The following AARS1 variants were observed in gnomAD, a reference collection of about 807,000 sequenced individuals.
The protein encoded by AARS1 is alanyl-tRNA synthetase 1, also known as alanine--tRNA ligase, cytoplasmic.
In AARS1, 72 loss-of-function variants were observed where a neutral mutation model predicts 108.9. That is an observed-to-expected ratio of 0.66 (90% CI 0.55 to 0.80). The LOEUF (loss-of-function observed/expected upper bound fraction) is 0.80. Among genes scored for constraint, AARS1 ranks in the 30% least tolerant of loss-of-function variants. The probability of loss-of-function intolerance (pLI) is 0.00; values close to 1 mark genes in which losing one functional copy is unlikely to be tolerated. For synonymous variants in AARS1, 489 were observed against 465.7 expected, an observed-to-expected ratio of 1.05 and a Z score of -0.64; for missense variants, 1,193 against 1,233.2, an observed-to-expected ratio of 0.97 and a Z score of 0.49.
chr16:70,253,614 G>A (rs1959902856), intron 19 of AARS1, 100 bp downstream of exon 19: 12 of 1,366,202 alleles, frequency 8.8e-6, no homozygotes, highest in South Asian at 3.5e-5. Flanking sequence ...CCAGACCGTG[G>A]GCCCTTAGGC....
chr16:70,286,316 T>C (rs1473527343), intron 1 of AARS1, among the ~76,000 whole-genome samples: 1 of 151,906 alleles, frequency 6.6e-6, no homozygotes, highest in Non-Finnish European at 1.5e-5. Context: ...GCTGTAAAGG[T>C]CTTGGGTGCC....
intron 2 of AARS1, among the ~76,000 whole-genome samples, chr16:70,281,734 C>G (rs1960700368): frequency 6.6e-6 from 1 of 152,070 alleles, no homozygotes; most frequent in Admixed American, 6.6e-5. Context: ...TGCCTGTAGT[C>G]CTAGCTACTT....
In AARS1 at chr16:70,268,884, A is replaced by G. The variant is rs118124510; in HGVS notation, c.963-505T>C. On this transcript the variant is annotated intron_variant, in intron 7 of 20. Transcript: ENST00000261772. ...GGGGATTCTTCCACCTGCCCAAGACAAGGAAACAATAACGAAAGATGGCTT... is the reference window on the plus strand; with the variant it reads ...GGGGATTCTTCCACCTGCCCAAGACGAGGAAACAATAACGAAAGATGGCTT... Among the ~76,000 whole-genome samples the G allele has an allele frequency of 4.9e-4, 74 of 152,338 alleles. 1 individual carries two copies. The East Asian group carries it at 0.014, about 28-fold the overall frequency.
At chr16:70,254,112 G>T in intron 17 of AARS1, 74 bp from the exon 18 acceptor site, 1 of 1,580,788 alleles carries the variant, frequency 6.3e-7, no homozygotes, top group South Asian at 1.1e-5. Context: ...CACCCCACCC[G>T]AACCCAAGTC....
At chr16:70,254,315 A>G (rs1036198794) in intron 17 of AARS1, 13 of 588,980 alleles carry the variant, frequency 2.2e-5, no homozygotes, top group Non-Finnish European at 3.9e-5. Flanking sequence ...TGAAATGCAA[A>G]TAAATACCAG....
chr16:70,253,521 AC>A (rs1959899560), intron 19 of AARS1, 140 bp from the exon 20 acceptor site: 2 of 1,018,566 alleles, frequency 2.0e-6, no homozygotes, highest in Non-Finnish European at 1.5e-6. Context: ...TGTGGGGAGG[AC>A]CCCAGCGCCG....
chr16:70,280,285 C>T (rs1479688811), intron 2 of AARS1, among the ~76,000 whole-genome samples: 2 of 151,942 alleles, frequency 1.3e-5, no homozygotes, highest in Admixed American at 6.6e-5. Flanking sequence ...GGCGTGATCT[C>T]GGCTCACTGC....
At position 70,269,683 on chromosome 16, in the gene AARS1, A is replaced by G; in HGVS notation, c.897T>C (p.Ala299=). The change falls in exon 7 of 21, where the codon GCT becomes GCC. Residue 299 remains alanine (A), a synonymous_variant. Coordinates refer to ENST00000261772, the MANE Select transcript of AARS1 (RefSeq NM_001605.3). ...DGIDMAYRVL[A]DHARTITVAL... is the part of the protein sequence containing the mutation. ...CCACAGTGATGGTCCGAGCGTGGTC[A>G]GCCAGCACCCGGTAGGCCATGTCAA... The G allele has an allele frequency of 8.1e-6, 13 of 1,614,204 alleles. No individual in the cohort carries two copies. The highest frequency in any genetic ancestry group is 9.3e-6 in the Non-Finnish European group (11 of 1,180,034).
chr16:70,276,434 C>A, intron 4 of AARS1, 52 bp downstream of exon 4: 4 of 1,604,530 alleles, frequency 2.5e-6, no homozygotes, highest in Admixed American at 1.7e-5. Flanking sequence ...CACTCTGGCA[C>A]TGAGTGTCAT....
At position 70,254,732 on chromosome 16, in the gene AARS1, G is replaced by C; in HGVS notation, c.2289C>G (p.Ala763=). 6.2e-7 allele frequency: 1 copy of C among 1,606,092 alleles called. No individual in the cohort carries two copies. The change falls in exon 17 of 21, where the codon GCC becomes GCG. Residue 763 remains alanine, a splice_region_variant and synonymous_variant. Transcript: ENST00000261772. ...TCTTCAAGCTCTCTGCTTTCCTGAG[G>C]GCCTGGGAGGGGACACCGGGTCAAC... ...VAVTGAEAQK[A]LRKAESLKKC...
chr16:70,280,642 C>A (rs1452370192), intron 2 of AARS1, among the ~76,000 whole-genome samples: 1 of 152,082 alleles, frequency 6.6e-6, no homozygotes, highest in Non-Finnish European at 1.5e-5. Flanking sequence ...AGAGAACCAT[C>A]ACAGGAAAGC....
chr16:70,280,550 C>T (rs1960671464), intron 2 of AARS1, among the ~76,000 whole-genome samples: 1 of 152,078 alleles, frequency 6.6e-6, no homozygotes, highest in East Asian at 1.9e-4. Flanking sequence ...GAAAAGACAC[C>T]TAAGAGAAAA....
chr16:70,270,408 G>C, intron 5 of AARS1, 68 bp from the exon 6 acceptor site: 1 of 1,591,688 alleles, frequency 6.3e-7, no homozygotes, highest in Non-Finnish European at 8.6e-7. Flanking sequence ...GTCCCTGCTG[G>C]TTAAAATTCA....
intron 1 of AARS1, among the ~76,000 whole-genome samples, chr16:70,286,226 ATTGATT>A (rs1316170101): frequency 4.1e-4 from 62 of 152,152 alleles, no homozygotes; most frequent in Non-Finnish European, 1.5e-5. Flanking sequence ...ACATAAACTC[ATTGATT>A]TATTCACTGG....
chr16:70,256,964 A>C (rs1391122658), intron 15 of AARS1, among the ~76,000 whole-genome samples: 3 of 151,124 alleles, frequency 2.0e-5, no homozygotes, highest in Non-Finnish European at 4.4e-5. Context: ...AAAATACAAA[A>C]TTAGGCCAGG....
chr16:70,254,361 C>A, intron 17 of AARS1: 1 of 583,066 alleles, frequency 1.7e-6, no homozygotes. Flanking sequence ...TTAGCCCATT[C>A]CCCAAATCCC....
In AARS1 at chr16:70,282,691, A is replaced by G; in HGVS notation, c.73T>C (p.Tyr25His). Residue 25 changes from tyrosine (Y) to histidine (H), a missense_variant, in exon 2 of 21, where the codon TAT becomes CAT. Physicochemically the swap from Tyr to His is moderately conservative, Grantham distance 83. Coordinates refer to ENST00000261772, the MANE Select transcript of AARS1 (RefSeq NM_001605.3). Reference protein sequence around the residue: ...IDFFKRNEHTYVHSSATIPLD... With the variant: ...IDFFKRNEHTHVHSSATIPLD... ...GGGATGGTGGCAGACGAGTGAACATACGTATGCTCGTTCCTCTTGAAGAAA... is the reference window on the plus strand; with the variant it reads ...GGGATGGTGGCAGACGAGTGAACATGCGTATGCTCGTTCCTCTTGAAGAAA... 1 of 1,614,144 alleles carries G rather than the reference A, an allele frequency of 6.2e-7. No individual in the cohort carries two copies. The highest frequency in any genetic ancestry group is 1.1e-5 in the South Asian group (1 of 91,088).
chr16:70,285,793 G>C (rs200796155), intron 1 of AARS1, among the ~76,000 whole-genome samples: 1 of 152,032 alleles, frequency 6.6e-6, no homozygotes, highest in Non-Finnish European at 1.5e-5. Flanking sequence ...TGCTGCCCAC[G>C]CTGGTCTCGA....
intron 2 of AARS1, among the ~76,000 whole-genome samples, chr16:70,278,968 C>T (rs758125820): frequency 8.5e-5 from 13 of 152,230 alleles, no homozygotes; most frequent in Non-Finnish European, 1.5e-4. Context: ...CAGAGTTCGG[C>T]GTAAATGAGT....
Sources: gnomAD v4.1 joint callset for allele counts (sites outside exome capture counted in the v4.1 genomes callset) on GRCh38, gnomAD v4.1.1 for gene constraint, MANE v1.5 for transcripts, NCBI Gene and HGNC (gene_info 2026-07-23, HGNC 2026-07-21) for gene names.